ZNF83: variants seen among roughly 807,000 people sequenced by gnomAD.
ZNF83 encodes zinc finger protein 83.
For missense variants in ZNF83, 552 were observed against 629.9 expected (o/e 0.88, Z 1.32); for synonymous variants, 209 against 213.0 (o/e 0.98, Z 0.17).
chr19:52,661,622 C>T (rs1000522140), intron 1 of ZNF83, among the ~76,000 whole-genome samples: 17 of 152,136 alleles, frequency 1.1e-4, no homozygotes, highest in African/African-American at 4.1e-4. Flanking sequence ...GCCTGAGAAA[C>T]CTAATGTGAA....
intron 2 of ZNF83, among the ~76,000 whole-genome samples, chr19:52,616,236 A>G (rs1600135331): frequency 6.6e-6 from 1 of 152,206 alleles, no homozygotes; most frequent in East Asian, 1.9e-4. Context: ...ACTTGGAGTA[A>G]ATTATTGCTT....
At chr19:52,644,679 G>T (rs1487346282) in intron 3 of ZNF83, among the ~76,000 whole-genome samples, 1 of 152,104 alleles carries the variant, frequency 6.6e-6, no homozygotes, top group African/African-American at 2.4e-5. Flanking sequence ...GTGAAAGAAG[G>T]TCAGCTGTAG....
intron 2 of ZNF83, among the ~76,000 whole-genome samples, chr19:52,630,379 C>T (rs948792029): frequency 6.6e-6 from 1 of 152,212 alleles, no homozygotes; most frequent in African/African-American, 2.4e-5. Context: ...ACCTTCTTTT[C>T]AAGGGCCTGT....
intron 1 of ZNF83, among the ~76,000 whole-genome samples, chr19:52,677,902 G>A (rs2061843160): frequency 6.6e-6 from 1 of 151,880 alleles, no homozygotes; most frequent in Admixed American, 6.6e-5. Flanking sequence ...GGGCATGGTG[G>A]CACGTGCCCA....
chr19:52,659,345 G>A (rs928518887), intron 2 of ZNF83, among the ~76,000 whole-genome samples: 4 of 152,200 alleles, frequency 2.6e-5, no homozygotes, highest in East Asian at 1.9e-4. Context: ...GTGCCCACTC[G>A]AGGTTACCAC....
At position 52,614,892 on chromosome 19, in the gene ZNF83, C is replaced by T. The variant is rs1394951413; in HGVS notation, c.-233-95G>A. 9.9e-6 allele frequency: 11 copies of T among 1,108,996 alleles called. 1 individual carries two copies. Among genetic ancestry groups the T allele is most frequent in the African/African-American group, 1.6e-5 (1 of 61,836 alleles). 68.7% of individuals were successfully genotyped at this position (1,108,996 alleles called of 1,614,324 possible). A position where few individuals can be genotyped will look rare whatever the true frequency, so the allele number is the denominator to read the frequency against. Reference sequence around the variant, plus strand: ...GTGTAATAGTACACTAAGAGTAATACTTATGTTAAAGAAAGTTATAAAACT... The same window carrying T: ...GTGTAATAGTACACTAAGAGTAATATTTATGTTAAAGAAAGTTATAAAACT... On this transcript the variant is annotated intron_variant, in intron 2 of 2. Transcript: ENST00000301096.
chr19:52,664,637 G>A (rs1021440629), intron 1 of ZNF83, among the ~76,000 whole-genome samples: 20 of 152,208 alleles, frequency 1.3e-4, no homozygotes, highest in Admixed American at 2.6e-4. Context: ...GCCAGGACTG[G>A]GGGGTGGAAC....
At chr19:52,614,854 C>T in intron 2 of ZNF83, 57 bp from the exon 3 acceptor site, 1 of 1,223,676 alleles carries the variant, frequency 8.2e-7, no homozygotes. Flanking sequence ...CAATAAATAT[C>T]TCCTATTGAA....
rs28831105 is a variant in ZNF83 at position 52,657,645 on chromosome 19, C to T, written c.-200-1958G>A. Among the ~76,000 whole-genome samples the T allele has an allele frequency of 5.2e-3, 796 of 152,202 alleles. 5 individuals carry two copies. The highest frequency in any genetic ancestry group is 0.018 in the African/African-American group (737 of 41,538). On this transcript the variant is annotated intron_variant, in intron 2 of 5. Coordinates refer to the ZNF83 transcript ENST00000594682. ...GGCGGATCACCTGAGGTCAGGAATT[C>T]GCGACCAGCCTGACCAACATAGAGA... is the stretch of plus-strand genomic sequence containing the variant.
chr19:52,657,673 C>T (rs982331674), intron 2 of ZNF83, among the ~76,000 whole-genome samples: 3 of 151,970 alleles, frequency 2.0e-5, no homozygotes, highest in Non-Finnish European at 4.4e-5. Flanking sequence ...CATAGAGAAA[C>T]CCCGTCTCTA....
intron 3 of ZNF83, among the ~76,000 whole-genome samples, chr19:52,644,510 A>G (rs2061348425): frequency 6.6e-6 from 1 of 152,144 alleles, no homozygotes; most frequent in Non-Finnish European, 1.5e-5. Context: ...CATTATTGAA[A>G]ATTAAAGAAG....
At position 52,654,362 on chromosome 19, in the gene ZNF83, G is replaced by A. The variant is rs376476917; in HGVS notation, c.-74+1199C>T. The stretch of plus-strand genomic sequence containing the variant: ...TGGATCACTTCTCCTGTATTACCGT[G>A]CCCTGTTGATGAGAACTCCGTCATG... On this transcript the variant is annotated intron_variant, in intron 3 of 5. Transcript: ENST00000594682. 4.5e-5 allele frequency: 58 copies of A among 1,280,106 alleles called. No individual in the cohort carries two copies. The African/African-American group carries it at 8.0e-4, about 18-fold the overall frequency. 79.3% of individuals were successfully genotyped at this position (1,280,106 alleles called of 1,614,324 possible).
chr19:52,667,406 G>C (rs1462646390), intron 1 of ZNF83, among the ~76,000 whole-genome samples: 2 of 152,108 alleles, frequency 1.3e-5, no homozygotes, highest in Non-Finnish European at 1.5e-5. Flanking sequence ...AGTTATAAGA[G>C]GGAATTTATG....
upstream of ZNF83, among the ~76,000 whole-genome samples, chr19:52,642,149 G>T (rs2061314900): frequency 6.6e-6 from 1 of 151,780 alleles, no homozygotes; most frequent in African/African-American, 2.4e-5. Flanking sequence ...GACGGGTTCT[G>T]TCCCACACCT....
chr19:52,675,408 G>A (rs2061785646), intron 1 of ZNF83, among the ~76,000 whole-genome samples: 1 of 152,160 alleles, frequency 6.6e-6, no homozygotes, highest in Non-Finnish European at 1.5e-5. Flanking sequence ...ATATATCAAG[G>A]GGGATACAAG....
exon 3 of ZNF83, chr19:52,613,129 T>C: frequency 6.2e-7 from 1 of 1,614,130 alleles, no homozygotes; most frequent in Non-Finnish European, 8.5e-7. Flanking sequence ...CTCTCCAGTG[T>C]GGATCGCATG....
intron 3 of ZNF83, among the ~76,000 whole-genome samples, chr19:52,645,673 G>A (rs996886825): frequency 4.6e-5 from 7 of 151,816 alleles, no homozygotes; most frequent in Non-Finnish European, 8.8e-5. Context: ...TGGGCGTGCT[G>A]ACATATACCT....
At chr19:52,684,566 GGAAA>G (rs2061982601) in intron 1 of ZNF83, among the ~76,000 whole-genome samples, 2 of 122,588 alleles carry the variant, frequency 1.6e-5, no homozygotes, top group African/African-American at 3.1e-5. Context: ...GAAAAAAAAA[GGAAA>G]GAAAGAAAAA....
intron 1 of ZNF83, among the ~76,000 whole-genome samples, chr19:52,665,847 G>A (rs1409700040): frequency 6.6e-6 from 1 of 152,058 alleles, no homozygotes; most frequent in African/African-American, 2.4e-5. Flanking sequence ...CCATCTATGA[G>A]GACGCACCCT....
Sources: allele counts gnomAD v4.1 joint callset (sites outside exome capture counted in the v4.1 genomes callset), GRCh38; gene constraint gnomAD v4.1.1; transcripts MANE v1.5; gene names NCBI Gene and HGNC (gene_info 2026-07-23, HGNC 2026-07-21).